Variants in PTPRT observed in about 807,000 individuals in gnomAD.
PTPRT encodes the protein receptor-type tyrosine-protein phosphatase T.
In PTPRT, 56 loss-of-function variants were observed where a neutral mutation model predicts 176.8. The ratio of observed to expected loss-of-function variants is 0.32; its 90% CI spans 0.26 to 0.40. The LOEUF is 0.40. Among genes scored for constraint, PTPRT ranks in the 10% least tolerant of loss-of-function variants. The pLI is 1.00. For missense variants in PTPRT, 1,540 were observed against 1,908.2 expected, an observed-to-expected ratio of 0.81 and a Z score of 3.60; for synonymous variants, 783 against 739.0, an observed-to-expected ratio of 1.06 and a Z score of -0.96.
intron 12 of PTPRT, among the ~76,000 whole-genome samples, chr20:42,312,806 T>C (rs1442060398): frequency 9.8e-5 from 7 of 71,506 alleles, no homozygotes; most frequent in Non-Finnish European, 1.7e-4. Context: ...GAGATCCTTT[T>C]TTTTTTTTTT....
At chr20:43,170,493 C>T (rs1464586635) in intron 1 of PTPRT, among the ~76,000 whole-genome samples, 3 of 152,176 alleles carry the variant, frequency 2.0e-5, no homozygotes, top group Admixed American at 6.5e-5. Context: ...GTTCAAGTCA[C>T]ATTACAAATT....
At chr20:42,634,012 ATATATATATAATATATAT>A (rs2074509988) in intron 7 of PTPRT, among the ~76,000 whole-genome samples, 1 of 28,802 alleles carries the variant, frequency 3.5e-5, no homozygotes, top group African/African-American at 1.7e-4. Flanking sequence ...TATATATATA[ATATATATATAATATATAT>A]ATTATATATA....
At chr20:43,005,145 T>G (rs1445352529) in intron 1 of PTPRT, among the ~76,000 whole-genome samples, 1 of 151,898 alleles carries the variant, frequency 6.6e-6, no homozygotes, top group Non-Finnish European at 1.5e-5. Flanking sequence ...GGAACCAGGG[T>G]GCTTTTTAAA....
At chr20:42,811,767 C>T (rs2077701316) in intron 2 of PTPRT, among the ~76,000 whole-genome samples, 1 of 152,140 alleles carries the variant, frequency 6.6e-6, no homozygotes. Context: ...AAGTTGCTTA[C>T]TGTGAGTCCT....
At chr20:42,088,529 C>A (rs548297892) in intron 27 of PTPRT, among the ~76,000 whole-genome samples, 1 of 152,190 alleles carries the variant, frequency 6.6e-6, no homozygotes, top group African/African-American at 2.4e-5. Context: ...TGTCTCCCAC[C>A]TTCTTAGCTG....
chr20:42,121,746 A>AAG (rs1473079498), intron 19 of PTPRT, among the ~76,000 whole-genome samples: 10 of 146,744 alleles, frequency 6.8e-5, no homozygotes, highest in Non-Finnish European at 1.3e-4. Flanking sequence ...GATATATATG[A>AAG]AGAGATATAT....
chr20:42,127,664 G>A (rs1424658737), intron 19 of PTPRT, among the ~76,000 whole-genome samples: 1 of 152,116 alleles, frequency 6.6e-6, no homozygotes, highest in Admixed American at 6.5e-5. Context: ...AAGACCCATG[G>A]ACTGTGAGCT....
At chr20:43,118,622 T>G (rs1490189245) in intron 1 of PTPRT, among the ~76,000 whole-genome samples, 1 of 152,160 alleles carries the variant, frequency 6.6e-6, no homozygotes, top group African/African-American at 2.4e-5. Flanking sequence ...GTATTTTTAG[T>G]AGAGACGGGG....
chr20:42,928,016 G>C (rs960859446), intron 1 of PTPRT, among the ~76,000 whole-genome samples: 21 of 152,212 alleles, frequency 1.4e-4, no homozygotes, highest in African/African-American at 5.1e-4. Context: ...GCACCGTGTA[G>C]CACAGGGCCT....
intron 1 of PTPRT, among the ~76,000 whole-genome samples, chr20:43,039,225 T>C (rs1302570952): frequency 1.3e-5 from 2 of 152,186 alleles, no homozygotes; most frequent in African/African-American, 4.8e-5. Flanking sequence ...ACTGTATGGA[T>C]AGACATAAAT....
chr20:42,592,503 G>A (rs1424186905), intron 7 of PTPRT, among the ~76,000 whole-genome samples: 1 of 152,210 alleles, frequency 6.6e-6, no homozygotes, highest in Admixed American at 6.5e-5. Flanking sequence ...ATGATTTCAG[G>A]CTGAGAGATA....
At chr20:42,538,335 A>C (rs1047144194) in intron 7 of PTPRT, among the ~76,000 whole-genome samples, 1 of 152,134 alleles carries the variant, frequency 6.6e-6, no homozygotes, top group African/African-American at 2.4e-5. Context: ...ATACTAATAG[A>C]GTATCAGATG....
chr20:43,129,917 C>G (rs55783472), intron 1 of PTPRT, among the ~76,000 whole-genome samples: 2,921 of 152,228 alleles, frequency 0.019, 56 homozygotes, highest in South Asian at 0.078. Context: ...CGCGCCCAGC[C>G]CAAAGAGTTC....
intron 5 of PTPRT, among the ~76,000 whole-genome samples, chr20:42,762,823 T>C (rs1388133344): frequency 6.6e-6 from 1 of 152,240 alleles, no homozygotes; most frequent in Non-Finnish European, 1.5e-5. Flanking sequence ...AATCCCATTT[T>C]ATGTTTATGT....
At chr20:42,629,819 G>A (rs992218037) in intron 7 of PTPRT, among the ~76,000 whole-genome samples, 1 of 152,130 alleles carries the variant, frequency 6.6e-6, no homozygotes, top group African/African-American at 2.4e-5. Context: ...GGATCCAAAC[G>A]ACATGGGAAC....
chr20:43,092,161 C>G (rs1363989381), intron 1 of PTPRT, among the ~76,000 whole-genome samples: 2 of 152,176 alleles, frequency 1.3e-5, no homozygotes, highest in African/African-American at 4.8e-5. Flanking sequence ...AAGAGTGGAA[C>G]AGCAAAGGAG....
At chr20:42,764,025 C>T (rs2076950788) in intron 5 of PTPRT, among the ~76,000 whole-genome samples, 1 of 152,140 alleles carries the variant, frequency 6.6e-6, no homozygotes, top group African/African-American at 2.4e-5. Context: ...TGTCTTCTGC[C>T]AGCATCTATG....
intron 2 of PTPRT, among the ~76,000 whole-genome samples, chr20:42,867,390 ATTTTTTT>A (rs761289845): frequency 3.9e-5 from 4 of 102,172 alleles, no homozygotes; most frequent in South Asian, 3.5e-4. Flanking sequence ...AAGAACACAG[ATTTTTTT>A]TTTTTTTTTT....
At chr20:42,108,136 T>TATC (rs772092196) in intron 23 of PTPRT, among the ~76,000 whole-genome samples, 22 of 151,410 alleles carry the variant, frequency 1.5e-4, no homozygotes, top group African/African-American at 4.4e-4. Flanking sequence ...TTGGAACAAC[T>TATC]ATCAATCAAT....
Sources: allele counts gnomAD v4.1 joint callset (sites outside exome capture counted in the v4.1 genomes callset), GRCh38; gene constraint gnomAD v4.1.1; transcripts MANE v1.5; gene names NCBI Gene and HGNC (gene_info 2026-07-23, HGNC 2026-07-21).